Variants in ARL15 observed in about 807,000 individuals in gnomAD.
ARL15 encodes the protein ADP-ribosylation factor-like protein 15.
Under a neutral mutation model 25.2 loss-of-function variants are expected in ARL15, and 19 were observed. The observed-to-expected ratio is 0.75, with a 90% confidence interval of 0.53 to 1.10. ARL15 has a LOEUF of 1.10. Ranked by LOEUF, ARL15 falls within the 50% of genes least tolerant of loss-of-function variation. The pLI is 0.00. For synonymous variants in ARL15, 94 were observed against 86.8 expected, an observed-to-expected ratio of 1.08 and a Z score of -0.46; for missense variants, 220 against 246.0, an observed-to-expected ratio of 0.89 and a Z score of 0.71.
Position 54,246,797 on chromosome 5 carries a change from T to TACACACACACACACAC in ARL15, c.48+63619_48+63634dup, listed in dbSNP as rs61025147. On this transcript the variant is annotated intron_variant, in intron 1 of 4. Coordinates refer to ENST00000504924, the MANE Select transcript of ARL15 (RefSeq NM_019087.3). ...CCTCTTTTTATATACAAAGCATGCA[T>TACACACACACACACAC]ACACACACACACACACACACACACA... Among the ~76,000 whole-genome samples, 7 of 139,062 alleles carry TACACACACACACACAC rather than the reference T, an allele frequency of 5.0e-5. No homozygotes were observed. In the South Asian group the frequency reaches 1.0e-3, roughly 20 times the overall value. The allele number at this position is 139,062 out of a possible 152,430, so 91.2% of individuals were successfully genotyped here.
At chr5:54,082,649 G>A (rs1267601084) in intron 4 of ARL15, among the ~76,000 whole-genome samples, 2 of 152,048 alleles carry the variant, frequency 1.3e-5, no homozygotes, top group African/African-American at 4.8e-5. Context: ...CAGCCCCTTG[G>A]CTCTCCTTTT....
At chr5:54,068,357 T>A (rs1323515413) in intron 4 of ARL15, among the ~76,000 whole-genome samples, 1 of 152,220 alleles carries the variant, frequency 6.6e-6, no homozygotes, top group East Asian at 1.9e-4. Flanking sequence ...GAAACTGATA[T>A]GGACAACTGC....
chr5:54,006,387 CATGGAT>C (rs1749044491), intron 4 of ARL15, among the ~76,000 whole-genome samples: 3 of 151,638 alleles, frequency 2.0e-5, no homozygotes, highest in African/African-American at 7.3e-5. Flanking sequence ...ACCGAGTACA[CATGGAT>C]ATATGTGTGT....
At chr5:54,210,833 G>A (rs1228024415) in intron 1 of ARL15, among the ~76,000 whole-genome samples, 3 of 152,182 alleles carry the variant, frequency 2.0e-5, no homozygotes, top group Non-Finnish European at 4.4e-5. Flanking sequence ...ATGCAAAACT[G>A]TGGCACAGAG....
At chr5:54,114,329 G>A (rs982185606) in intron 3 of ARL15, among the ~76,000 whole-genome samples, 26 of 140,632 alleles carry the variant, frequency 1.8e-4, no homozygotes, top group African/African-American at 4.7e-4. Context: ...GCTTGAACCC[G>A]GGAGGTGGAG....
At chr5:54,302,849 C>T (rs1356220550) in intron 1 of ARL15, among the ~76,000 whole-genome samples, 2 of 151,994 alleles carry the variant, frequency 1.3e-5, no homozygotes, top group Non-Finnish European at 2.9e-5. Flanking sequence ...GAGGGTCAAC[C>T]AGAACTGGGC....
chr5:53,915,233 A>G (rs1335979188), intron 4 of ARL15, among the ~76,000 whole-genome samples: 7 of 152,212 alleles, frequency 4.6e-5, no homozygotes, highest in African/African-American at 7.2e-5. Context: ...AATACTTCCT[A>G]AAACAGTCTG....
intron 3 of ARL15, among the ~76,000 whole-genome samples, chr5:54,136,864 C>T (rs1753619751): frequency 6.6e-6 from 1 of 151,374 alleles, no homozygotes; most frequent in South Asian, 2.1e-4. Context: ...GGACAGTCTG[C>T]CTGGGTTTTT....
intron 4 of ARL15, among the ~76,000 whole-genome samples, chr5:53,979,175 C>T (rs555954099): frequency 2.6e-5 from 4 of 152,218 alleles, no homozygotes; most frequent in South Asian, 2.1e-4. Context: ...GATTATTATA[C>T]GTTACAATAC....
intron 1 of ARL15, among the ~76,000 whole-genome samples, chr5:54,253,362 A>G (rs1757288210): frequency 6.6e-6 from 1 of 152,152 alleles, no homozygotes; most frequent in Non-Finnish European, 1.5e-5. Flanking sequence ...CAGGGCACCA[A>G]GAGCAGCCCA....
chr5:53,976,198 G>T (rs887773393), intron 4 of ARL15, among the ~76,000 whole-genome samples: 3 of 152,182 alleles, frequency 2.0e-5, no homozygotes, highest in Non-Finnish European at 2.9e-5. Flanking sequence ...TGTAGCAGGG[G>T]TGATAGGCAA....
chr5:54,056,254 T>C (rs1392638562), intron 4 of ARL15, among the ~76,000 whole-genome samples: 3 of 152,110 alleles, frequency 2.0e-5, no homozygotes, highest in Non-Finnish European at 2.9e-5. Context: ...TTTAAAGAGT[T>C]TAACCCAATA....
chr5:53,963,805 T>TCACACACACA (rs60458728), intron 4 of ARL15, among the ~76,000 whole-genome samples: 26 of 143,244 alleles, frequency 1.8e-4, no homozygotes, highest in South Asian at 4.7e-4. Context: ...TGAAACTCCA[T>TCACACACACA]CACACACACA....
At chr5:54,051,338 T>C (rs895140399) in intron 4 of ARL15, among the ~76,000 whole-genome samples, 1 of 152,190 alleles carries the variant, frequency 6.6e-6, no homozygotes, top group African/African-American at 2.4e-5. Flanking sequence ...AGGCTGGAGT[T>C]TGAAGTTAAG....
At chr5:54,098,227 T>C (rs1403126818) in intron 4 of ARL15, among the ~76,000 whole-genome samples, 3 of 152,162 alleles carry the variant, frequency 2.0e-5, no homozygotes, top group Non-Finnish European at 4.4e-5. Flanking sequence ...TTCAGAGATC[T>C]GAAAGCGTTC....
chr5:54,111,290 C>A (rs7717368), intron 4 of ARL15, among the ~76,000 whole-genome samples: 2,209 of 152,092 alleles, frequency 0.015, 46 homozygotes, highest in African/African-American at 0.049. Context: ...AGTTTAGAAT[C>A]ATTTTCAGAC....
Position 53,943,165 on chromosome 5 carries a change from C to T in ARL15, c.463-56452G>A, listed in dbSNP as rs199564206. Among the ~76,000 whole-genome samples the T allele has an allele frequency of 3.7e-4, 56 of 152,108 alleles. 1 individual carries two copies. In the East Asian group the frequency reaches 4.6e-3, roughly 13 times the overall value. ...AGAAGGGATTTTTAAAAGATTTTAACGGGCTATGTATATAATTTTAACACT... is the reference window on the plus strand; with the variant it reads ...AGAAGGGATTTTTAAAAGATTTTAATGGGCTATGTATATAATTTTAACACT... On this transcript the variant is annotated intron_variant, in intron 4 of 4. Transcript: ENST00000504924.
intron 4 of ARL15, among the ~76,000 whole-genome samples, chr5:53,993,356 T>A (rs1748569131): frequency 1.3e-5 from 2 of 152,056 alleles, no homozygotes; most frequent in Admixed American, 6.6e-5. Flanking sequence ...GTGCCTGTAA[T>A]CCTAGCCTTT....
chr5:53,942,046 G>A (rs1334113549), intron 4 of ARL15, among the ~76,000 whole-genome samples: 31 of 152,194 alleles, frequency 2.0e-4, no homozygotes, highest in Non-Finnish European at 4.4e-5. Flanking sequence ...GAGATGCCAG[G>A]TAGGAAGCAA....
Sources: gnomAD v4.1 joint callset for allele counts (sites outside exome capture counted in the v4.1 genomes callset) on GRCh38, gnomAD v4.1.1 for gene constraint, MANE v1.5 for transcripts, NCBI Gene and HGNC (gene_info 2026-07-23, HGNC 2026-07-21) for gene names.